The following BLNK variants were observed in gnomAD, a reference collection of about 807,000 sequenced individuals.
BLNK encodes the protein B cell linker.
A neutral mutation model predicts 73.5 loss-of-function variants in BLNK; 29 were observed. That is an observed-to-expected ratio of 0.39 (90% CI 0.29 to 0.54). The LOEUF (loss-of-function observed/expected upper bound fraction) is 0.54. Among genes scored for constraint, BLNK ranks in the 20% least tolerant of loss-of-function variants. BLNK has a pLI of 0.61. For synonymous variants in BLNK, 176 were observed against 200.8 expected, an observed-to-expected ratio of 0.88 and a Z score of 1.04; for missense variants, 460 against 562.8, an observed-to-expected ratio of 0.82 and a Z score of 1.85.
At chr10:96,212,523 G>A (rs1564822348) in intron 8 of BLNK, among the ~76,000 whole-genome samples, 1 of 152,174 alleles carries the variant, frequency 6.6e-6, no homozygotes, top group Non-Finnish European at 1.5e-5. Context: ...GCAAATGTCA[G>A]AGCCAGGACC....
chr10:96,241,095 A>G (rs1842867852), intron 3 of BLNK, among the ~76,000 whole-genome samples: 1 of 152,256 alleles, frequency 6.6e-6, no homozygotes, highest in Non-Finnish European at 1.5e-5. Flanking sequence ...GAGTGGTCCA[A>G]CAGGCCTGTA....
intron 8 of BLNK, among the ~76,000 whole-genome samples, chr10:96,212,244 T>C (rs1417657490): frequency 6.6e-6 from 1 of 152,150 alleles, no homozygotes; most frequent in Non-Finnish European, 1.5e-5. Flanking sequence ...GGAGCATGAC[T>C]CTTCATGGGT....
chr10:96,234,345 A>G (rs587725504), intron 3 of BLNK, among the ~76,000 whole-genome samples: 18 of 152,334 alleles, frequency 1.2e-4, no homozygotes, highest in African/African-American at 4.3e-4. Flanking sequence ...TCACAGCATC[A>G]TATTCATAAA....
intron 3 of BLNK, among the ~76,000 whole-genome samples, chr10:96,231,321 TCTAA>T (rs1247492295): frequency 1.3e-5 from 2 of 152,240 alleles, no homozygotes; most frequent in African/African-American, 4.8e-5. Flanking sequence ...CATCTCTGGC[TCTAA>T]CTTTGACTTT....
At chr10:96,225,172 A>G (rs1204469767) in intron 5 of BLNK, among the ~76,000 whole-genome samples, 1 of 152,248 alleles carries the variant, frequency 6.6e-6, no homozygotes, top group East Asian at 1.9e-4. Context: ...CCAGTGATTC[A>G]GTGAGCTGAG....
intron 16 of BLNK, among the ~76,000 whole-genome samples, 154 bp from the exon 17 acceptor site, chr10:96,192,246 C>T (rs1166740240): frequency 6.6e-6 from 1 of 152,190 alleles, no homozygotes; most frequent in African/African-American, 2.4e-5. Context: ...AAGGCTGTAA[C>T]CTTCAAGGTG....
At chr10:96,216,559 A>C (rs1696670955) in intron 7 of BLNK, 94 bp downstream of exon 7, 1 of 1,120,178 alleles carries the variant, frequency 8.9e-7, no homozygotes, top group Non-Finnish European at 1.4e-6. Context: ...GGGCACTGTC[A>C]TTTCTGAGCC....
chr10:96,212,171 A>G (rs1591312846), intron 8 of BLNK, among the ~76,000 whole-genome samples: 2 of 152,216 alleles, frequency 1.3e-5, no homozygotes, highest in South Asian at 4.2e-4. Flanking sequence ...GAACACTGTC[A>G]CGGAGGACAC....
Position 96,227,432 on chromosome 10 carries a change from G to T in BLNK, c.339C>A (p.Pro113=), listed in dbSNP as rs781955654. ...QETRPVHPAL[P]FARGEYIDNR... Reference sequence around the variant, plus strand: ...CACCTATATACTCGCCTCTGGCGAAGGGCAGGGCTGGGTGAACCGGCCTGG... The same window carrying T: ...CACCTATATACTCGCCTCTGGCGAATGGCAGGGCTGGGTGAACCGGCCTGG... Residue 113 remains proline (P), a synonymous_variant, in exon 5 of 17, where the codon CCC becomes CCA. Transcript: ENST00000224337. 21 of 1,614,032 alleles carry T rather than the reference G, an allele frequency of 1.3e-5. No homozygotes were observed. In the African/African-American group the frequency reaches 2.3e-4, roughly 17 times the overall value.
chr10:96,228,549 G>A lies in BLNK; in HGVS notation c.205-983C>T, dbSNP rs147154543. ...TGAGATTACAGGCATGAGCCACTGC[G>A]CCTGGCCTGTTTTTTTAAAATCCAC... On this transcript the variant is annotated intron_variant, in intron 4 of 16. Coordinates refer to ENST00000224337, the MANE Select transcript of BLNK (RefSeq NM_013314.4). Among the ~76,000 whole-genome samples, 883 of 152,248 alleles carry A rather than the reference G, an allele frequency of 5.8e-3. 7 individuals are homozygous for A. The highest frequency in any genetic ancestry group is 0.02 in the African/African-American group (841 of 41,544).
At chr10:96,202,663 G>A (rs1477629661) in intron 13 of BLNK, among the ~76,000 whole-genome samples, 1 of 152,180 alleles carries the variant, frequency 6.6e-6, no homozygotes, top group Non-Finnish European at 1.5e-5. Flanking sequence ...CCAAAAGGAA[G>A]GATGTATTCT....
intron 15 of BLNK, among the ~76,000 whole-genome samples, chr10:96,197,734 C>T (rs1210961478): frequency 6.6e-6 from 1 of 151,924 alleles, no homozygotes; most frequent in East Asian, 1.9e-4. Context: ...TGAAAATTCT[C>T]TCCTCAAAGA....
intron 2 of BLNK, among the ~76,000 whole-genome samples, chr10:96,245,839 T>G (rs1843025236): frequency 6.6e-6 from 1 of 152,202 alleles, no homozygotes; most frequent in South Asian, 2.1e-4. Context: ...TATACACACA[T>G]ACATACATAT....
rs577163183 is a variant in BLNK at position 96,247,045 on chromosome 10, G to A, written c.52C>T (p.Leu18Phe). 9 of 1,600,586 alleles carry A rather than the reference G, an allele frequency of 5.6e-6. No individual in the cohort carries two copies. In the African/African-American group the frequency reaches 1.2e-4, roughly 22 times the overall value. The change falls in exon 2 of 17, where the codon CTT (leucine) becomes TTT (phenylalanine). Residue 18 changes from leucine (L) to phenylalanine (F), a missense_variant. Coordinates refer to ENST00000224337, the MANE Select transcript of BLNK (RefSeq NM_013314.4). ...TTAATATCATGGACCATCTTTTGAA[G>A]CTGCCTGTAAAAAACAAAATTAAAC... The part of the protein sequence containing the change: ...TVPASQKLRQ[L>F]QKMVHDIKNN...
intron 7 of BLNK, 173 bp downstream of exon 7, chr10:96,216,480 G>T: frequency 1.5e-6 from 1 of 668,526 alleles, no homozygotes; most frequent in Non-Finnish European, 2.7e-6. Context: ...CACAGAGATG[G>T]GTTGTCACTG....
intron 2 of BLNK, among the ~76,000 whole-genome samples, chr10:96,244,106 G>T (rs1432658400): frequency 2.0e-5 from 3 of 152,132 alleles, no homozygotes; most frequent in African/African-American, 7.2e-5. Flanking sequence ...AGAAATTCTG[G>T]TTTTCTTTTT....
intron 1 of BLNK, 64 bp from the exon 2 acceptor site, chr10:96,247,113 C>T (rs782584880): frequency 6.1e-6 from 7 of 1,149,052 alleles, no homozygotes; most frequent in Non-Finnish European, 8.8e-6. Context: ...AAAAAGTCTC[C>T]TACTCTTCTC....
chr10:96,218,512 T>C (rs1163948855), intron 6 of BLNK, among the ~76,000 whole-genome samples: 1 of 152,086 alleles, frequency 6.6e-6, no homozygotes, highest in African/African-American at 2.4e-5. Flanking sequence ...GGCAACATGG[T>C]GAAACCCTGT....
chr10:96,234,867 G>T (rs1440650679), intron 3 of BLNK, among the ~76,000 whole-genome samples: 1 of 152,220 alleles, frequency 6.6e-6, no homozygotes, highest in Non-Finnish European at 1.5e-5. Context: ...TGGGCCAGGT[G>T]GATTGATTTT....
Sources: allele counts gnomAD v4.1 joint callset (sites outside exome capture counted in the v4.1 genomes callset), GRCh38; gene constraint gnomAD v4.1.1; transcripts MANE v1.5; gene names NCBI Gene and HGNC (gene_info 2026-07-23, HGNC 2026-07-21).